Variants in CENPW observed in about 807,000 individuals in gnomAD.
CENPW encodes cancer-up-regulated gene 2 protein.
CENPW carries 3 observed loss-of-function variants against 11.1 expected under a neutral mutation model. The observed-to-expected ratio is 0.27, with a 90% CI of 0.12 to 0.70. CENPW has a LOEUF of 0.70. Among genes scored for constraint, CENPW ranks in the 30% least tolerant of loss-of-function variants. CENPW has a pLI of 0.77. For synonymous variants in CENPW, 38 were observed against 42.0 expected, an observed-to-expected ratio of 0.91 and a Z score of 0.37; for missense variants, 100 against 105.6, an observed-to-expected ratio of 0.95 and a Z score of 0.23.
the CENPW span, among the ~76,000 whole-genome samples, chr6:126,361,452 C>T: frequency 7.9e-5 from 12 of 152,080 alleles, no homozygotes; most frequent in African/African-American, 2.7e-4. Context: ...CCGGCTACCA[C>T]GCCTGGCTCA....
At chr6:126,457,799 T>C in the CENPW span, among the ~76,000 whole-genome samples, 2 of 151,450 alleles carry the variant, frequency 1.3e-5, no homozygotes, top group African/African-American at 4.8e-5. Context: ...AACACAACAC[T>C]CTGAAAGGAT....
the CENPW span, among the ~76,000 whole-genome samples, chr6:126,436,176 A>G: frequency 6.6e-6 from 1 of 151,820 alleles, no homozygotes; most frequent in African/African-American, 2.4e-5. Flanking sequence ...TCTCCCACCA[A>G]TTACATTTAC....
chr6:126,392,085 T>C, the CENPW span, among the ~76,000 whole-genome samples: 1 of 152,034 alleles, frequency 6.6e-6, no homozygotes, highest in South Asian at 2.1e-4. Context: ...TTAACAACAT[T>C]GATTCTTCCA....
At chr6:126,469,154 T>C in the CENPW span, among the ~76,000 whole-genome samples, 1 of 152,120 alleles carries the variant, frequency 6.6e-6, no homozygotes, top group Admixed American at 6.6e-5. Flanking sequence ...CACCCAAATC[T>C]CACCTTGAAT....
chr6:126,477,310 A>G, the CENPW span, among the ~76,000 whole-genome samples: 1 of 152,128 alleles, frequency 6.6e-6, no homozygotes, highest in South Asian at 2.1e-4. Context: ...CATTAATAAC[A>G]TGGCAGAACT....
chr6:126,450,561 A>T, the CENPW span, among the ~76,000 whole-genome samples: 5 of 150,768 alleles, frequency 3.3e-5, no homozygotes, highest in African/African-American at 1.2e-4. Context: ...AAGCTTTTTG[A>T]CTTATTAATT....
chr6:126,357,648 G>A, the CENPW span, among the ~76,000 whole-genome samples: 12 of 149,888 alleles, frequency 8.0e-5, no homozygotes, highest in East Asian at 3.9e-4. Flanking sequence ...TTGCTCTGTC[G>A]CCCAGCCTGT....
chr6:126,340,610 TA>T (rs1420403783), intron 1 of CENPW, among the ~76,000 whole-genome samples: 2 of 152,212 alleles, frequency 1.3e-5, no homozygotes, highest in African/African-American at 4.8e-5. Flanking sequence ...CGCCGAAAAG[TA>T]AATATCTGGA....
the CENPW span, among the ~76,000 whole-genome samples, chr6:126,472,437 T>C: frequency 6.6e-6 from 1 of 152,212 alleles, no homozygotes; most frequent in South Asian, 2.1e-4. Context: ...TTCTGGCTTC[T>C]TTTACTCTGC....
At chr6:126,394,928 C>T in the CENPW span, among the ~76,000 whole-genome samples, 6 of 151,866 alleles carry the variant, frequency 4.0e-5, no homozygotes, top group Non-Finnish European at 5.9e-5. Context: ...TGCTGCCGGA[C>T]GTATTGGAAC....
the CENPW span, among the ~76,000 whole-genome samples, chr6:126,377,334 G>A: frequency 6.6e-6 from 1 of 152,198 alleles, no homozygotes; most frequent in East Asian, 1.9e-4. Flanking sequence ...CTATTATGAA[G>A]AAAAAAGACC....
the CENPW span, among the ~76,000 whole-genome samples, chr6:126,481,682 A>C: frequency 6.6e-6 from 1 of 152,128 alleles, no homozygotes; most frequent in South Asian, 2.1e-4. Context: ...AGTAGCAATT[A>C]CATTTCAACA....
chr6:126,460,196 G>C, the CENPW span, among the ~76,000 whole-genome samples: 1 of 151,562 alleles, frequency 6.6e-6, no homozygotes, highest in African/African-American at 2.4e-5. Context: ...TTTGGATCAG[G>C]GGGTGAGGAT....
chr6:126,467,451 A>C, the CENPW span, among the ~76,000 whole-genome samples: 1 of 152,160 alleles, frequency 6.6e-6, no homozygotes, highest in Non-Finnish European at 1.5e-5. Context: ...AATGCTAAAC[A>C]AACTAAAAAA....
the CENPW span, among the ~76,000 whole-genome samples, chr6:126,483,267 A>C: frequency 1.3e-5 from 2 of 151,854 alleles, no homozygotes; most frequent in East Asian, 3.9e-4. Context: ...GCTTTATTGA[A>C]CTGCTTTGAA....
the CENPW span, among the ~76,000 whole-genome samples, chr6:126,440,472 A>G: frequency 2.0e-5 from 3 of 151,614 alleles, no homozygotes; most frequent in Non-Finnish European, 4.4e-5. Context: ...AGCATCTAAC[A>G]TATTCTAAAT....
At chr6:126,398,582 C>T in the CENPW span, among the ~76,000 whole-genome samples, 2 of 152,012 alleles carry the variant, frequency 1.3e-5, no homozygotes, top group African/African-American at 4.8e-5. Context: ...AATGTAAATT[C>T]TATGGGAATA....
the CENPW span, among the ~76,000 whole-genome samples, chr6:126,431,735 A>C: frequency 3.3e-5 from 5 of 152,094 alleles, no homozygotes; most frequent in Non-Finnish European, 7.4e-5. Context: ...ATGCCGCAGC[A>C]ACCTGGAGGA....
chr6:126,437,443 C>A, the CENPW span, among the ~76,000 whole-genome samples: 1 of 151,914 alleles, frequency 6.6e-6, no homozygotes, highest in African/African-American at 2.4e-5. Flanking sequence ...TAAGCCAAAT[C>A]AGACAACAAG....
Sources: gnomAD v4.1 joint callset for allele counts (sites outside exome capture counted in the v4.1 genomes callset) on GRCh38, gnomAD v4.1.1 for gene constraint, MANE v1.5 for transcripts, NCBI Gene and HGNC (gene_info 2026-07-23, HGNC 2026-07-21) for gene names.